Variants in RFT1 observed in about 807,000 individuals in gnomAD.
The protein encoded by RFT1 is man(5)GlcNAc(2)-PP-dolichol translocation protein RFT1.
Under a neutral mutation model 62.2 loss-of-function variants are expected in RFT1, and 43 were observed. That is an observed-to-expected ratio of 0.69 (90% confidence interval 0.54 to 0.89). The LOEUF (loss-of-function observed/expected upper bound fraction) is 0.89, where lower values mean the gene tolerates loss of function less well. Among genes scored for constraint, RFT1 ranks in the 40% least tolerant of loss-of-function variants. The pLI is 0.00. For synonymous variants in RFT1, 262 were observed against 264.6 expected (o/e 0.99, Z 0.10); for missense variants, 605 against 649.9 (o/e 0.93, Z 0.75).
In RFT1 at chr3:53,104,085, C is replaced by A; in HGVS notation, c.970G>T (p.Val324Leu). The A allele has an allele frequency of 6.2e-7, 1 of 1,614,214 alleles. No homozygotes were observed. The highest frequency in any genetic ancestry group is 1.1e-5 in the South Asian group (1 of 91,082). ...ATLQKQEDVA[V>L]AAAVLESLLK... ...AGGGACTCCAAGACTGCAGCAGCCA[C>A]AGCAACGTCCTCCTGGGGCCAGGGA... Residue 324 changes from valine to leucine, a missense_variant, in exon 10 of 13, where the codon GTG (valine) becomes TTG (leucine). Transcript: ENST00000296292.
At chr3:53,121,899 C>T in intron 4 of RFT1, 99 bp from the exon 5 acceptor site, 2 of 964,586 alleles carry the variant, frequency 2.1e-6, no homozygotes, top group South Asian at 1.4e-5. Context: ...GTCACCCTGG[C>T]TGTGGGGGCA....
the RFT1 span, among the ~76,000 whole-genome samples, chr3:53,070,023 G>A: frequency 6.6e-6 from 1 of 152,178 alleles, no homozygotes; most frequent in East Asian, 1.9e-4. Flanking sequence ...AGGAAGATGG[G>A]GCTGGCTAGA....
At chr3:53,116,063 T>C (rs1701781881) in intron 6 of RFT1, among the ~76,000 whole-genome samples, 1 of 152,246 alleles carries the variant, frequency 6.6e-6, no homozygotes, top group Admixed American at 6.5e-5. Flanking sequence ...ATTTGAAGTA[T>C]CATTAATTTA....
At position 53,130,369 on chromosome 3, in the gene RFT1, G is replaced by T. The variant is rs867488582; in HGVS notation, c.32C>A (p.Ala11Asp). 8 of 1,565,370 alleles carry T rather than the reference G, an allele frequency of 5.1e-6. No individual in the cohort carries two copies. Among genetic ancestry groups the T allele is most frequent in the Non-Finnish European group, 6.9e-6 (8 of 1,155,312 alleles). MGSQEVLGHA[A>D]RLASSGLLLQ... ...GAGGAGACCGGAGGAGGCCAGCCGGGCCGCGTGGCCCAGCACCTCCTGGCT... is the reference window on the plus strand; with the variant it reads ...GAGGAGACCGGAGGAGGCCAGCCGGTCCGCGTGGCCCAGCACCTCCTGGCT... Residue 11 changes from alanine (A) to aspartate (D), a missense_variant, in exon 1 of 13, where the codon GCC becomes GAC. By Grantham distance (126) the Ala-to-Asp change is moderately radical. Coordinates refer to ENST00000296292, the MANE Select transcript of RFT1 (RefSeq NM_052859.4).
intron 4 of RFT1, 34 bp downstream of exon 4, chr3:53,122,340 C>T (rs1445907973): frequency 2.5e-6 from 4 of 1,597,086 alleles, no homozygotes; most frequent in African/African-American, 2.7e-5. Context: ...TCTTATTCTT[C>T]CCATTTCCCA....
At chr3:53,103,526 C>T (rs1696479872) in intron 10 of RFT1, 1 of 209,242 alleles carries the variant, frequency 4.8e-6, no homozygotes, top group South Asian at 7.7e-5. Flanking sequence ...GGTTATCCTT[C>T]AGAGGCTTTT....
At chr3:53,072,904 C>T in the RFT1 span, among the ~76,000 whole-genome samples, 1 of 152,250 alleles carries the variant, frequency 6.6e-6, no homozygotes, top group African/African-American at 2.4e-5. Context: ...CAGAGGAGCC[C>T]ACCGCCCTCT....
intron 7 of RFT1, among the ~76,000 whole-genome samples, chr3:53,110,225 G>C (rs962867935): frequency 1.3e-5 from 2 of 152,180 alleles, no homozygotes; most frequent in African/African-American, 4.8e-5. Flanking sequence ...ATGAGCAACC[G>C]TCCTTTCCAA....
chr3:53,076,040 G>C, the RFT1 span, among the ~76,000 whole-genome samples: 1 of 152,194 alleles, frequency 6.6e-6, no homozygotes, highest in Non-Finnish European at 1.5e-5. Flanking sequence ...ACCAGGAATG[G>C]TCACCCAGGA....
At chr3:53,110,615 G>A (rs1245332061) in intron 7 of RFT1, among the ~76,000 whole-genome samples, 3 of 152,166 alleles carry the variant, frequency 2.0e-5, no homozygotes, top group Non-Finnish European at 2.9e-5. Flanking sequence ...CATAGGGGGA[G>A]TTGCTTTCTT....
rs1025912738 is a variant in RFT1, at chr3:53,108,561, T to C, written c.776-1692A>G. On this transcript the variant is annotated intron_variant, in intron 7 of 12. Coordinates refer to ENST00000296292, the MANE Select transcript of RFT1 (RefSeq NM_052859.4). ...CCGCCACCATCCCCAGCTAATGTTT[T>C]TTTTTATTTTTTAGTGGAGACGGGG... Among the ~76,000 whole-genome samples the C allele has an allele frequency of 4.6e-4, 70 of 151,240 alleles. 1 individual carries two copies. Among genetic ancestry groups the C allele is most frequent in the African/African-American group, 1.7e-3 (69 of 41,042 alleles).
chr3:53,084,913 G>A (rs1419730075), downstream of RFT1, among the ~76,000 whole-genome samples: 1 of 152,220 alleles, frequency 6.6e-6, no homozygotes, highest in East Asian at 1.9e-4. Flanking sequence ...GATGAGGGAT[G>A]AACCGTGCCA....
chr3:53,111,568 A>G (rs968983310), intron 7 of RFT1, among the ~76,000 whole-genome samples: 1 of 152,134 alleles, frequency 6.6e-6, no homozygotes, highest in African/African-American at 2.4e-5. Flanking sequence ...AACCTCACTG[A>G]CCCTTAGTTT....
At chr3:53,128,992 T>C (rs1166918234) in intron 1 of RFT1, among the ~76,000 whole-genome samples, 1 of 152,232 alleles carries the variant, frequency 6.6e-6, no homozygotes, top group Non-Finnish European at 1.5e-5. Context: ...TCCAGTGTGT[T>C]TTCCGTTATA....
chr3:53,081,956 G>C, the RFT1 span, among the ~76,000 whole-genome samples: 1 of 152,080 alleles, frequency 6.6e-6, no homozygotes, highest in African/African-American at 2.4e-5. Context: ...GTTTTGTTTT[G>C]TTTTTGAAAC....
intron 4 of RFT1, 43 bp downstream of exon 4, chr3:53,122,331 C>T: frequency 1.9e-6 from 3 of 1,584,412 alleles, no homozygotes; most frequent in Non-Finnish European, 2.6e-6. Context: ...AACGCTTTTT[C>T]TTATTCTTCC....
At chr3:53,111,756 C>T (rs779347430) in intron 7 of RFT1, 74 bp downstream of exon 7, 25 of 1,249,146 alleles carry the variant, frequency 2.0e-5, no homozygotes, top group Non-Finnish European at 2.9e-5. Context: ...TGGTCTGGAC[C>T]CAGGTAATTG....
chr3:53,067,240 T>A, the RFT1 span, among the ~76,000 whole-genome samples: 1 of 152,088 alleles, frequency 6.6e-6, no homozygotes, highest in Admixed American at 6.5e-5. Context: ...CAGCTACAAC[T>A]TGGGAGGCTG....
chr3:53,081,817 A>G, the RFT1 span, among the ~76,000 whole-genome samples: 1 of 152,192 alleles, frequency 6.6e-6, no homozygotes, highest in South Asian at 2.1e-4. Context: ...GTGCGAAACA[A>G]TTACCCTAAA....
Sources: allele counts gnomAD v4.1 joint callset (sites outside exome capture counted in the v4.1 genomes callset), GRCh38; gene constraint gnomAD v4.1.1; transcripts MANE v1.5; gene names NCBI Gene and HGNC (gene_info 2026-07-23, HGNC 2026-07-21).